PCDH9: variants seen among roughly 807,000 people sequenced by gnomAD.
PCDH9 encodes the protein protocadherin 9.
A neutral mutation model predicts 70.6 loss-of-function variants in PCDH9; 24 were observed. The ratio of observed to expected loss-of-function variants is 0.34; its 90% CI spans 0.25 to 0.48. PCDH9 has a LOEUF of 0.48. Among genes scored for constraint, PCDH9 ranks in the 20% least tolerant of loss-of-function variants. The probability of loss-of-function intolerance (pLI) is 0.99; values close to 1 mark genes in which losing one functional copy is unlikely to be tolerated. For synonymous variants in PCDH9, 562 were observed against 558.5 expected (o/e 1.01, Z -0.09); for missense variants, 1,281 against 1,503.6 (o/e 0.85, Z 2.45).
chr13:66,881,119 G>A (rs996260333), intron 3 of PCDH9, among the ~76,000 whole-genome samples: 3 of 152,180 alleles, frequency 2.0e-5, no homozygotes, highest in African/African-American at 7.2e-5. Flanking sequence ...AGCCATCTAT[G>A]TAATAGTGAT....
intron 4 of PCDH9, among the ~76,000 whole-genome samples, chr13:66,456,239 T>G (rs1459490244): frequency 6.6e-6 from 1 of 152,140 alleles, no homozygotes; most frequent in African/African-American, 2.4e-5. Context: ...TGGATAAATT[T>G]ATAACTTGAA....
intron 2 of PCDH9, among the ~76,000 whole-genome samples, chr13:67,072,292 C>T (rs149677822): frequency 6.6e-6 from 1 of 152,184 alleles, no homozygotes; most frequent in East Asian, 1.9e-4. Flanking sequence ...GTCATAAAAC[C>T]CTCATTCTAG....
intron 3 of PCDH9, among the ~76,000 whole-genome samples, chr13:66,887,535 G>C (rs2082027701): frequency 6.6e-6 from 1 of 152,128 alleles, no homozygotes; most frequent in South Asian, 2.1e-4. Flanking sequence ...TGCAACTATA[G>C]AGTGCCCTCA....
chr13:66,721,299 C>T lies in PCDH9; in HGVS notation c.3139-89888G>A, dbSNP rs902833809. Among the ~76,000 whole-genome samples the T allele has an allele frequency of 7.2e-5, 11 of 152,258 alleles. No individual in the cohort carries two copies. The East Asian group carries it at 2.1e-3, about 29-fold the overall frequency. Reference sequence around the variant, plus strand: ...CACAAGGTGGACTGTGGAAAGGGCACTGAACTCAAACATATCTTGAAAATT... The same window carrying T: ...CACAAGGTGGACTGTGGAAAGGGCATTGAACTCAAACATATCTTGAAAATT... On this transcript the variant is annotated intron_variant, in intron 3 of 4. Coordinates refer to ENST00000377865, the MANE Select transcript of PCDH9 (RefSeq NM_203487.3).
At chr13:66,605,514 T>C (rs1485713524) in intron 4 of PCDH9, among the ~76,000 whole-genome samples, 1 of 152,132 alleles carries the variant, frequency 6.6e-6, no homozygotes, top group Non-Finnish European at 1.5e-5. Flanking sequence ...CTTACAAGTA[T>C]TGAACTGTAG....
chr13:67,021,858 C>A (rs140992419), intron 2 of PCDH9, among the ~76,000 whole-genome samples: 1 of 151,846 alleles, frequency 6.6e-6, no homozygotes, highest in East Asian at 1.9e-4. Context: ...CCATGCCTGG[C>A]GATAGTGTAA....
intron 3 of PCDH9, among the ~76,000 whole-genome samples, chr13:66,853,766 G>A (rs959980227): frequency 2.0e-5 from 3 of 151,660 alleles, no homozygotes; most frequent in African/African-American, 7.3e-5. Context: ...CAGGAGACAG[G>A]GTCTTGCTAT....
chr13:66,897,636 A>T (rs925233647), intron 3 of PCDH9, among the ~76,000 whole-genome samples: 8 of 152,128 alleles, frequency 5.3e-5, no homozygotes, highest in African/African-American at 1.9e-4. Flanking sequence ...AGAAAATTGT[A>T]TTATACATAG....
intron 4 of PCDH9, among the ~76,000 whole-genome samples, chr13:66,551,492 G>C (rs1961488028): frequency 6.6e-6 from 1 of 152,118 alleles, no homozygotes; most frequent in Admixed American, 6.6e-5. Context: ...AAGAGTTCTA[G>C]AAACATGTCA....
chr13:67,133,425 G>A (rs1295115658), intron 2 of PCDH9, among the ~76,000 whole-genome samples: 1 of 152,022 alleles, frequency 6.6e-6, no homozygotes, highest in African/African-American at 2.4e-5. Context: ...TTTGCATAGA[G>A]GCTGAATGAG....
intron 2 of PCDH9, among the ~76,000 whole-genome samples, chr13:67,062,749 G>A (rs997389142): frequency 6.6e-6 from 1 of 152,118 alleles, no homozygotes; most frequent in African/African-American, 2.4e-5. Flanking sequence ...ATGAATTTGT[G>A]TCCTAAGACA....
chr13:67,170,557 TG>T (rs138685388), intron 2 of PCDH9, among the ~76,000 whole-genome samples: 5,215 of 152,284 alleles, frequency 0.034, 242 homozygotes, highest in Admixed American at 0.14. Context: ...ATTAAACTTT[TG>T]CCATATATCA....
chr13:66,530,401 T>G (rs1312732594), intron 4 of PCDH9, among the ~76,000 whole-genome samples: 1 of 152,058 alleles, frequency 6.6e-6, no homozygotes, highest in African/African-American at 2.4e-5. Context: ...GTATTAGATA[T>G]CAACTCATTG....
chr13:66,506,474 C>A (rs1959216338), intron 4 of PCDH9, among the ~76,000 whole-genome samples: 1 of 152,096 alleles, frequency 6.6e-6, no homozygotes, highest in South Asian at 2.1e-4. Flanking sequence ...AGAAAATGCT[C>A]ATGGATCATA....
chr13:66,958,826 G>C (rs932378604), intron 2 of PCDH9, among the ~76,000 whole-genome samples: 6 of 152,266 alleles, frequency 3.9e-5, no homozygotes, highest in African/African-American at 1.2e-4. Flanking sequence ...CCACGCTAGA[G>C]AGGAGGTGGT....
At chr13:67,147,648 T>C (rs2087555350) in intron 2 of PCDH9, among the ~76,000 whole-genome samples, 2 of 152,216 alleles carry the variant, frequency 1.3e-5, no homozygotes, top group South Asian at 2.1e-4. Context: ...ACTGAGTACA[T>C]TTGGAATAAG....
chr13:66,488,855 T>TA (rs1335925925), intron 4 of PCDH9, among the ~76,000 whole-genome samples: 2 of 152,100 alleles, frequency 1.3e-5, no homozygotes, highest in African/African-American at 4.8e-5. Flanking sequence ...TTGCATTACA[T>TA]AAAAATGCAT....
chr13:66,569,458 T>C (rs1395252282), intron 4 of PCDH9, among the ~76,000 whole-genome samples: 2 of 152,166 alleles, frequency 1.3e-5, no homozygotes, highest in African/African-American at 4.8e-5. Context: ...ATATATACAA[T>C]TATATGTCTT....
At chr13:66,783,132 C>T (rs2080026109) in intron 3 of PCDH9, among the ~76,000 whole-genome samples, 1 of 152,022 alleles carries the variant, frequency 6.6e-6, no homozygotes, top group African/African-American at 2.4e-5. Context: ...CATATCTTCT[C>T]GACTCCTCAC....
Sources: allele counts gnomAD v4.1 joint callset (sites outside exome capture counted in the v4.1 genomes callset), GRCh38; gene constraint gnomAD v4.1.1; transcripts MANE v1.5; gene names NCBI Gene and HGNC (gene_info 2026-07-23, HGNC 2026-07-21).